ROBO2: variants seen among roughly 807,000 people sequenced by gnomAD.
ROBO2 encodes roundabout homolog 2.
ROBO2 carries 53 observed loss-of-function variants against 160.8 expected under a neutral mutation model. The observed-to-expected ratio is 0.33, with a 90% CI of 0.26 to 0.41. The LOEUF (loss-of-function observed/expected upper bound fraction) is 0.41, where lower values mean the gene tolerates loss of function less well. ROBO2 is among the 10% of genes least tolerant of loss of function. The pLI, the probability that ROBO2 is intolerant of heterozygous loss-of-function variation, is 1.00. For synonymous variants in ROBO2, 664 were observed against 611.7 expected (o/e 1.09, Z -1.26); for missense variants, 1,577 against 1,722.4 (o/e 0.92, Z 1.49).
chr3:76,123,274 T>A (rs1576951412), intron 2 of ROBO2, among the ~76,000 whole-genome samples: 1 of 152,172 alleles, frequency 6.6e-6, no homozygotes, highest in Non-Finnish European at 1.5e-5. Context: ...TTTTTCCCTA[T>A]TTTTTACTCC....
intron 2 of ROBO2, among the ~76,000 whole-genome samples, chr3:75,944,079 T>C (rs1273881401): frequency 6.6e-6 from 1 of 152,094 alleles, no homozygotes; most frequent in Non-Finnish European, 1.5e-5. Flanking sequence ...ACGAAATTTT[T>C]TCTAGGACTT....
intron 2 of ROBO2, among the ~76,000 whole-genome samples, chr3:76,577,891 G>A (rs540703487): frequency 1.3e-5 from 2 of 152,222 alleles, no homozygotes; most frequent in African/African-American, 4.8e-5. Flanking sequence ...CTGGCCTTTT[G>A]TCTAATAATG....
At chr3:76,019,330 G>T (rs2066499796) in intron 2 of ROBO2, among the ~76,000 whole-genome samples, 1 of 151,504 alleles carries the variant, frequency 6.6e-6, no homozygotes, top group South Asian at 2.1e-4. Context: ...GCTAATACTT[G>T]CATTATGGCC....
chr3:76,495,630 T>C (rs919955297), intron 2 of ROBO2, among the ~76,000 whole-genome samples: 11 of 152,178 alleles, frequency 7.2e-5, no homozygotes, highest in African/African-American at 2.7e-4. Flanking sequence ...TTCTTTCTTT[T>C]AAAGCATCCT....
intron 2 of ROBO2, among the ~76,000 whole-genome samples, chr3:75,969,846 C>CATTT (rs1358083303): frequency 1.3e-5 from 2 of 151,532 alleles, no homozygotes; most frequent in African/African-American, 4.8e-5. Context: ...GCTGCCTTTT[C>CATTT]ATTTTGTTGA....
intron 4 of ROBO2, among the ~76,000 whole-genome samples, chr3:77,491,376 T>C (rs1387930433): frequency 6.6e-6 from 1 of 152,142 alleles, no homozygotes; most frequent in African/African-American, 2.4e-5. Flanking sequence ...TCTTTAACAT[T>C]GGGTTAATGT....
intron 2 of ROBO2, among the ~76,000 whole-genome samples, chr3:76,798,107 AAGAAAGAAG>A (rs926814342): frequency 2.0e-5 from 3 of 149,148 alleles, no homozygotes; most frequent in Non-Finnish European, 4.4e-5. Flanking sequence ...CATTAAAAAA[AAGAAAGAAG>A]AGAAAGAAGA....
At chr3:76,846,311 T>C (rs1462620026) in intron 2 of ROBO2, among the ~76,000 whole-genome samples, 1 of 152,136 alleles carries the variant, frequency 6.6e-6, no homozygotes, top group African/African-American at 2.4e-5. Context: ...TAAACTAGTA[T>C]TGAAAGAAAC....
At chr3:76,885,298 T>C (rs1165098885) in intron 2 of ROBO2, among the ~76,000 whole-genome samples, 1 of 152,192 alleles carries the variant, frequency 6.6e-6, no homozygotes, top group Non-Finnish European at 1.5e-5. Context: ...GTATAATCTT[T>C]ATAGAGAAAA....
At chr3:77,277,212 CT>C (rs762489739) in intron 2 of ROBO2, among the ~76,000 whole-genome samples, 1 of 80,054 alleles carries the variant, frequency 1.2e-5, no homozygotes. Context: ...TTCTTTCTTT[CT>C]TCTTTCTTTC....
intron 2 of ROBO2, among the ~76,000 whole-genome samples, chr3:76,743,582 GC>G (rs2093837325): frequency 6.6e-6 from 1 of 152,064 alleles, no homozygotes; most frequent in South Asian, 2.1e-4. Flanking sequence ...TCTACTTTCT[GC>G]AGTGAATCAT....
intron 2 of ROBO2, among the ~76,000 whole-genome samples, chr3:77,188,975 G>GACAGAGAGAGAGAA (rs879320247): frequency 0.011 from 1,660 of 150,244 alleles, 16 homozygotes; most frequent in Non-Finnish European, 0.014. Context: ...GTGTGAGAGA[G>GACAGAGAGAGAGAA]AGAGAGAGAG....
intron 2 of ROBO2, among the ~76,000 whole-genome samples, chr3:76,765,870 G>C (rs531113117): frequency 1.3e-5 from 2 of 151,510 alleles, no homozygotes; most frequent in African/African-American, 2.4e-5. Flanking sequence ...GGACTGTTTC[G>C]AGGCACCCAC....
chr3:75,973,926 G>A lies in ROBO2; in HGVS notation c.109+36324G>A, dbSNP rs190782884. ...CATAAAAAAGAAGCCAGTAAAGATG[G>A]TGGGATAGGGCTCATGAGTAGTTAA... On this transcript the variant is annotated intron_variant, in intron 2 of 26. Transcript: ENST00000487694. 1.1e-3 allele frequency among the ~76,000 whole-genome samples: 163 copies of A among 151,766 alleles called. 1 individual carries two copies. Among genetic ancestry groups the A allele is most frequent in the African/African-American group, 3.6e-3 (150 of 41,502 alleles).
intron 2 of ROBO2, among the ~76,000 whole-genome samples, chr3:76,127,909 T>TTTTTTTGAGA (rs2071057907): frequency 6.7e-6 from 1 of 148,458 alleles, no homozygotes; most frequent in South Asian, 2.2e-4. Context: ...TTTTTTTTTT[T>TTTTTTTGAGA]TTTTGAGACG....
intron 2 of ROBO2, among the ~76,000 whole-genome samples, chr3:76,627,226 A>C (rs2089709405): frequency 1.3e-5 from 2 of 152,130 alleles, no homozygotes; most frequent in South Asian, 4.1e-4. Flanking sequence ...GGACTCTCTT[A>C]TGGGGCTTAA....
intron 2 of ROBO2, among the ~76,000 whole-genome samples, chr3:77,163,315 A>G (rs4684018): frequency 0.41 from 62,119 of 152,098 alleles, 13,223 homozygotes; most frequent in Middle Eastern, 0.54. Flanking sequence ...ATCTATACAT[A>G]GATTTTACAA....
At chr3:76,242,787 A>T (rs925603994) in intron 2 of ROBO2, among the ~76,000 whole-genome samples, 15 of 152,066 alleles carry the variant, frequency 9.9e-5, no homozygotes, top group Non-Finnish European at 1.5e-5. Context: ...TGGGAGGCTA[A>T]GGTGGGAAGG....
chr3:76,196,318 A>G (rs1295944552), intron 2 of ROBO2, among the ~76,000 whole-genome samples: 2 of 152,178 alleles, frequency 1.3e-5, no homozygotes, highest in African/African-American at 4.8e-5. Flanking sequence ...ATTGCCTTAT[A>G]TAATATCCAT....
Sources: gnomAD v4.1 joint callset for allele counts (sites outside exome capture counted in the v4.1 genomes callset) on GRCh38, gnomAD v4.1.1 for gene constraint, MANE v1.5 for transcripts, NCBI Gene and HGNC (gene_info 2026-07-23, HGNC 2026-07-21) for gene names.